VPS53: variants seen among roughly 807,000 people sequenced by gnomAD.
VPS53 encodes vacuolar protein sorting-associated protein 53 homolog.
A neutral mutation model predicts 107.0 loss-of-function variants in VPS53; 70 were observed. The observed-to-expected ratio is 0.65, with a 90% CI of 0.54 to 0.80. VPS53 has a LOEUF of 0.80. Among genes scored for constraint, VPS53 ranks in the 30% least tolerant of loss-of-function variants. The pLI is 0.00. For synonymous variants in VPS53, 409 were observed against 393.3 expected (o/e 1.04, Z -0.47); for missense variants, 917 against 1,049.4 (o/e 0.87, Z 1.74).
intron 13 of VPS53, among the ~76,000 whole-genome samples, chr17:571,451 A>G (rs1450432999): frequency 6.6e-6 from 1 of 151,730 alleles, no homozygotes; most frequent in African/African-American, 2.4e-5. Context: ...AAATTAATTC[A>G]AAATAAACAA....
intron 19 of VPS53, among the ~76,000 whole-genome samples, chr17:528,580 A>AT (rs1029657056): frequency 3.7e-5 from 5 of 133,582 alleles, no homozygotes; most frequent in Admixed American, 7.9e-5. Context: ...GTGTGAACAC[A>AT]TTTTTTTTTC....
intron 13 of VPS53, among the ~76,000 whole-genome samples, chr17:579,184 T>C (rs76062949): frequency 0.34 from 17,681 of 52,632 alleles, 1,387 homozygotes; most frequent in South Asian, 0.4. Flanking sequence ...TCCCAGAGAA[T>C]CTCCCTCAGA....
chr17:642,351 C>T (rs557623819), intron 7 of VPS53, among the ~76,000 whole-genome samples: 321 of 150,940 alleles, frequency 2.1e-3, no homozygotes, highest in African/African-American at 7.4e-3. Context: ...ACTTGGAAAG[C>T]GAGGACAACA....
At chr17:627,550 A>C (rs331013) in intron 9 of VPS53, among the ~76,000 whole-genome samples, 1 of 152,026 alleles carries the variant, frequency 6.6e-6, no homozygotes, top group East Asian at 1.9e-4. Context: ...GGCCGAGGTC[A>C]GCAGATCACC....
At chr17:666,535 G>A (rs1297048509) in intron 4 of VPS53, among the ~76,000 whole-genome samples, 2 of 152,072 alleles carry the variant, frequency 1.3e-5, no homozygotes, top group East Asian at 1.9e-4. Flanking sequence ...GTGGTGGCAG[G>A]CGCCTGTAAT....
At chr17:614,927 T>A (rs187801108) in intron 11 of VPS53, among the ~76,000 whole-genome samples, 2 of 152,302 alleles carry the variant, frequency 1.3e-5, no homozygotes, top group East Asian at 3.9e-4. Context: ...GGAACATTTT[T>A]AATTTTATTA....
chr17:610,494 A>C (rs1290983185), intron 11 of VPS53, among the ~76,000 whole-genome samples: 1 of 152,176 alleles, frequency 6.6e-6, no homozygotes, highest in Admixed American at 6.5e-5. Flanking sequence ...ATGACACTAA[A>C]CACAAGCAAG....
chr17:629,804 AAAAACC>A (rs1270066824), intron 8 of VPS53, among the ~76,000 whole-genome samples: 10 of 93,196 alleles, frequency 1.1e-4, no homozygotes, highest in East Asian at 2.6e-4. Flanking sequence ...AAAACAAAAA[AAAAACC>A]ACACACACAC....
At chr17:660,372 T>G (rs2143584761) in intron 5 of VPS53, among the ~76,000 whole-genome samples, 1 of 152,226 alleles carries the variant, frequency 6.6e-6, no homozygotes, top group East Asian at 1.9e-4. Context: ...AAAGATCACT[T>G]CTCCCCTCAC....
chr17:597,645 C>T (rs1161338701), intron 12 of VPS53, among the ~76,000 whole-genome samples: 5 of 152,076 alleles, frequency 3.3e-5, no homozygotes, highest in Non-Finnish European at 5.9e-5. Flanking sequence ...CAAGTTCACA[C>T]GATTCTCCTG....
intron 4 of VPS53, among the ~76,000 whole-genome samples, chr17:689,283 G>T (rs898311946): frequency 6.6e-6 from 1 of 152,026 alleles, no homozygotes; most frequent in Non-Finnish European, 1.5e-5. Flanking sequence ...ATGCCATGCT[G>T]GGAAGTCAGT....
At chr17:656,024 C>A in intron 5 of VPS53, 71 bp from the exon 6 acceptor site, 1 of 1,263,098 alleles carries the variant, frequency 7.9e-7, no homozygotes, top group Non-Finnish European at 1.1e-6. Context: ...CTGCAAGTAG[C>A]TCTGTAAGAA....
intron 11 of VPS53, among the ~76,000 whole-genome samples, chr17:605,902 C>T (rs1009533717): frequency 5.3e-5 from 8 of 152,088 alleles, no homozygotes; most frequent in Non-Finnish European, 7.4e-5. Context: ...ATTGGGCAGT[C>T]GCTGGTAGTT....
chr17:646,986 T>C (rs1225067818), intron 7 of VPS53, among the ~76,000 whole-genome samples: 1 of 152,362 alleles, frequency 6.6e-6, no homozygotes, highest in South Asian at 2.1e-4. Flanking sequence ...AGTGAGATCA[T>C]GCCCCCCGCA....
intron 1 of VPS53, among the ~76,000 whole-genome samples, chr17:713,883 A>C (rs1251720506): frequency 2.5e-4 from 35 of 142,542 alleles, no homozygotes; most frequent in Middle Eastern, 3.5e-3. Context: ...TTTACCCCAA[A>C]AAAAAAAAAA....
intron 4 of VPS53, among the ~76,000 whole-genome samples, chr17:688,943 A>G (rs1024153049): frequency 6.6e-6 from 1 of 152,214 alleles, no homozygotes; most frequent in African/African-American, 2.4e-5. Flanking sequence ...GCAAAAAATA[A>G]TAACAGAAAA....
Position 520,556 on chromosome 17 carries a change from C to T in VPS53, c.2224-626G>A, listed in dbSNP as rs992352138. Reference sequence around the variant, plus strand: ...TTAACATACAAACAAAGGAAAGGAACGGCACTGCAACCCTTATTCATTTCC... The same window carrying T: ...TTAACATACAAACAAAGGAAAGGAATGGCACTGCAACCCTTATTCATTTCC... On this transcript the variant is annotated intron_variant, in intron 20 of 21. Coordinates refer to ENST00000437048, the MANE Select transcript of VPS53 (RefSeq NM_001128159.3). The surrounding 1 kb of genome is among the most constrained non-coding windows in gnomAD (Gnocchi z 4.4). Among the ~76,000 whole-genome samples, 10 of 152,202 alleles carry T rather than the reference C, an allele frequency of 6.6e-5. No homozygotes were observed. The highest frequency in any genetic ancestry group is 2.1e-4 in the South Asian group (1 of 4,826).
chr17:601,764 G>A (rs1968336276), intron 12 of VPS53, 31 bp downstream of exon 12: 2 of 1,532,674 alleles, frequency 1.3e-6, no homozygotes, highest in South Asian at 2.4e-5. Flanking sequence ...ACATTGGGTA[G>A]GTTACCCGTG....
In VPS53 at chr17:562,587, C is replaced by T; in HGVS notation, c.1472G>A (p.Gly491Glu). The change falls in exon 14 of 22, where the codon GGG (glycine) becomes GAG (glutamate). Residue 491 changes from glycine (G) to glutamate (E), a missense_variant. Physicochemically the swap from Gly to Glu is moderately conservative, Grantham distance 98 (BLOSUM62 -2). Coordinates refer to ENST00000437048, the MANE Select transcript of VPS53 (RefSeq NM_001128159.3). ...CMVQCSQLST[G>E]EPMIALTTIF... Reference sequence around the variant, plus strand: ...GGTGGTCAGGGCGATCATGGGCTCCCCAGTACTGAGCTGAGAGCATTGCAC... The same window carrying T: ...GGTGGTCAGGGCGATCATGGGCTCCTCAGTACTGAGCTGAGAGCATTGCAC... 1.2e-6 allele frequency: 2 copies of T among 1,613,920 alleles called. No homozygotes were observed. Among genetic ancestry groups the T allele is most frequent in the Non-Finnish European group, 1.7e-6 (2 of 1,179,956 alleles).
Sources: allele counts gnomAD v4.1 joint callset (sites outside exome capture counted in the v4.1 genomes callset), GRCh38; gene constraint gnomAD v4.1.1; non-coding constraint Gnocchi (gnomAD v3.1); transcripts MANE v1.5; gene names NCBI Gene and HGNC (gene_info 2026-07-23, HGNC 2026-07-21).